TNRC6C: variants seen among roughly 807,000 people sequenced by gnomAD.
The protein encoded by TNRC6C is trinucleotide repeat containing adaptor 6C.
In TNRC6C, 20 loss-of-function variants were observed where a neutral mutation model predicts 153.7. The observed-to-expected ratio is 0.13, with a 90% CI of 0.09 to 0.19. The LOEUF (loss-of-function observed/expected upper bound fraction) is 0.19, where lower values mean the gene tolerates loss of function less well. Ranked by LOEUF, TNRC6C falls within the 10% of genes least tolerant of loss-of-function variation. TNRC6C has a pLI of 1.00. For synonymous variants in TNRC6C, 811 were observed against 841.4 expected, an observed-to-expected ratio of 0.96 and a Z score of 0.63; for missense variants, 1,987 against 2,172.0, an observed-to-expected ratio of 0.91 and a Z score of 1.69.
intron 2 of TNRC6C, among the ~76,000 whole-genome samples, chr17:78,042,749 ATGCTGGTGGTGATCATGG>A (rs1234954756): frequency 6.6e-6 from 1 of 151,798 alleles, no homozygotes; most frequent in African/African-American, 2.4e-5. Context: ...GGTCATCATG[ATGCTGGTGGTGATCATGG>A]TGGTGGTGCT....
intron 1 of TNRC6C, among the ~76,000 whole-genome samples, chr17:77,968,189 C>T (rs1371099044): frequency 2.0e-5 from 3 of 152,126 alleles, no homozygotes; most frequent in Admixed American, 6.5e-5. Flanking sequence ...CCTGCCACCA[C>T]GCCCAGCTAA....
intron 1 of TNRC6C, among the ~76,000 whole-genome samples, chr17:78,006,590 TTCCTTCTTCC>T: frequency 6.8e-6 from 1 of 147,926 alleles, no homozygotes; most frequent in South Asian, 2.2e-4. Context: ...TTCTTCCTTC[TTCCTTCTTCC>T]TCCTTCTTCC....
intron 1 of TNRC6C, among the ~76,000 whole-genome samples, chr17:78,020,526 A>T (rs1191903913): frequency 6.6e-6 from 1 of 152,194 alleles, no homozygotes; most frequent in African/African-American, 2.4e-5. Flanking sequence ...GGTTTCTGAG[A>T]AACTAGCTTA....
At chr17:78,082,976 GA>G in intron 10 of TNRC6C, 70 bp from the exon 13 acceptor site, 1 of 1,558,186 alleles carries the variant, frequency 6.4e-7, no homozygotes, top group Non-Finnish European at 8.7e-7. Flanking sequence ...TTTGAATTTT[GA>G]AAAACTACAG....
intron 1 of TNRC6C, among the ~76,000 whole-genome samples, chr17:77,965,684 G>A (rs775464781): frequency 6.6e-6 from 1 of 152,100 alleles, no homozygotes; most frequent in Non-Finnish European, 1.5e-5. Flanking sequence ...CAAACAAGTT[G>A]TTAAAAAAAG....
At chr17:78,098,999 C>T (rs77095378) in intron 17 of TNRC6C, among the ~76,000 whole-genome samples, 164 of 152,278 alleles carry the variant, frequency 1.1e-3, no homozygotes, top group African/African-American at 3.9e-3. Flanking sequence ...ACAAAACAAA[C>T]CCCACCAGTT....
At chr17:77,996,197 ATGC>A (rs1387668167) in intron 1 of TNRC6C, among the ~76,000 whole-genome samples, 1 of 152,186 alleles carries the variant, frequency 6.6e-6, no homozygotes, top group South Asian at 2.1e-4. Context: ...TAATCAAATA[ATGC>A]TGCAGCCAGT....
At chr17:77,971,436 G>A (rs1388907179) in intron 1 of TNRC6C, among the ~76,000 whole-genome samples, 1 of 151,924 alleles carries the variant, frequency 6.6e-6, no homozygotes, top group East Asian at 1.9e-4. Flanking sequence ...TACCACATAC[G>A]CACTGAAGAC....
At chr17:78,005,925 A>G (rs2071488256) in intron 1 of TNRC6C, among the ~76,000 whole-genome samples, 1 of 152,156 alleles carries the variant, frequency 6.6e-6, no homozygotes, top group Non-Finnish European at 1.5e-5. Flanking sequence ...TCTAGCATAT[A>G]ATTGGTGCTC....
chr17:77,993,402 C>T (rs975980873), intron 1 of TNRC6C, among the ~76,000 whole-genome samples: 6 of 152,016 alleles, frequency 3.9e-5, no homozygotes, highest in Non-Finnish European at 8.8e-5. Flanking sequence ...CAGTTCATAC[C>T]AATTTTATGC....
chr17:78,002,625 G>A (rs1324154389), upstream of TNRC6C, among the ~76,000 whole-genome samples: 1 of 152,196 alleles, frequency 6.6e-6, no homozygotes, highest in Non-Finnish European at 1.5e-5. Flanking sequence ...GGGTGTGGTG[G>A]CCCACACCTG....
chr17:77,964,927 G>C (rs2070885857), intron 1 of TNRC6C, among the ~76,000 whole-genome samples: 1 of 152,166 alleles, frequency 6.6e-6, no homozygotes, highest in Admixed American at 6.5e-5. Flanking sequence ...AAGGGAAGAA[G>C]GTGATGGATT....
At chr17:78,018,333 T>C in intron 1 of TNRC6C, among the ~76,000 whole-genome samples, 1 of 152,184 alleles carries the variant, frequency 6.6e-6, no homozygotes, top group East Asian at 1.9e-4. Context: ...TTTCACCATA[T>C]TGGCCAGGCT....
At chr17:78,006,831 T>A (rs950951944) in intron 1 of TNRC6C, among the ~76,000 whole-genome samples, 1 of 136,876 alleles carries the variant, frequency 7.3e-6, no homozygotes. Context: ...TTTATTTATT[T>A]TTTTTTTTTT....
intron 17 of TNRC6C, 39 bp downstream of exon 20, chr17:78,098,576 C>A: frequency 3.8e-6 from 6 of 1,583,040 alleles, no homozygotes; most frequent in Non-Finnish European, 5.2e-6. Flanking sequence ...GGGGGCCTTA[C>A]CCTTTAGGGG....
chr17:77,974,218 A>G (rs2070967013), intron 1 of TNRC6C, among the ~76,000 whole-genome samples: 3 of 152,268 alleles, frequency 2.0e-5, no homozygotes, highest in East Asian at 3.9e-4. Context: ...TAATAAGACA[A>G]AGTACCCAAT....
At chr17:78,062,998 C>A (rs2072798331) in intron 3 of TNRC6C, among the ~76,000 whole-genome samples, 1 of 152,050 alleles carries the variant, frequency 6.6e-6, no homozygotes, top group African/African-American at 2.4e-5. Context: ...GTAATCCCAG[C>A]ACTTTGGGAG....
chr17:78,063,999 AAAG>A (rs2072820939), intron 3 of TNRC6C, among the ~76,000 whole-genome samples: 1 of 152,220 alleles, frequency 6.6e-6, no homozygotes, highest in African/African-American at 2.4e-5. Context: ...ATGGACTTTT[AAAG>A]TTGAAAATAG....
intron 1 of TNRC6C, among the ~76,000 whole-genome samples, chr17:77,967,288 A>T (rs1476110636): frequency 1.3e-5 from 2 of 152,288 alleles, no homozygotes; most frequent in African/African-American, 4.8e-5. Flanking sequence ...GTTACTTATT[A>T]GCAGGGATAA....
Sources: gnomAD v4.1 joint callset for allele counts (sites outside exome capture counted in the v4.1 genomes callset) on GRCh38, gnomAD v4.1.1 for gene constraint, MANE v1.5 for transcripts, NCBI Gene and HGNC (gene_info 2026-07-23, HGNC 2026-07-21) for gene names.